Variants in TENM2 observed in about 807,000 individuals in gnomAD.
The protein encoded by TENM2 is teneurin transmembrane protein 2.
In TENM2, 52 loss-of-function variants were observed where a neutral mutation model predicts 245.2. The observed-to-expected ratio is 0.21, with a 90% CI of 0.17 to 0.27. The LOEUF is 0.27. Ranked by LOEUF, TENM2 falls within the 10% of genes least tolerant of loss-of-function variation. TENM2 has a pLI of 1.00. For synonymous variants in TENM2, 1,363 were observed against 1,438.9 expected, an observed-to-expected ratio of 0.95 and a Z score of 1.19; for missense variants, 3,046 against 3,666.8, an observed-to-expected ratio of 0.83 and a Z score of 4.37.
At chr5:167,464,633 A>G (rs1484085481) in intron 2 of TENM2, among the ~76,000 whole-genome samples, 1 of 152,222 alleles carries the variant, frequency 6.6e-6, no homozygotes, top group Non-Finnish European at 1.5e-5. Flanking sequence ...GTGAAGAGCT[A>G]TAAATGCACT....
At chr5:167,764,374 A>G (rs923352146) in intron 2 of TENM2, among the ~76,000 whole-genome samples, 4 of 152,120 alleles carry the variant, frequency 2.6e-5, no homozygotes, top group Non-Finnish European at 4.4e-5. Context: ...CTTATATCCT[A>G]TTTAAATTAA....
chr5:168,039,718 G>A (rs1429707668), intron 5 of TENM2, among the ~76,000 whole-genome samples: 7 of 152,086 alleles, frequency 4.6e-5, no homozygotes, highest in African/African-American at 9.6e-5. Context: ...TGGCCACCCC[G>A]CACAAGGAAA....
chr5:168,081,820 C>G (rs1000554123), intron 7 of TENM2, among the ~76,000 whole-genome samples: 3 of 152,194 alleles, frequency 2.0e-5, no homozygotes, highest in African/African-American at 7.2e-5. Flanking sequence ...TGATGGGCTT[C>G]TCTTTGTGGG....
intron 2 of TENM2, among the ~76,000 whole-genome samples, chr5:167,795,295 A>G (rs1765241317): frequency 6.6e-6 from 1 of 152,166 alleles, no homozygotes; most frequent in Middle Eastern, 3.2e-3. Flanking sequence ...AGAAATAGAG[A>G]TTGGTACAGG....
chr5:167,396,655 G>T (rs7727820), intron 2 of TENM2, among the ~76,000 whole-genome samples: 38,096 of 152,048 alleles, frequency 0.25, 4,932 homozygotes, highest in African/African-American at 0.31. Context: ...TGGCATGAGG[G>T]CACAGGGAGG....
chr5:167,438,883 T>C (rs1764728217), intron 2 of TENM2, among the ~76,000 whole-genome samples: 1 of 152,068 alleles, frequency 6.6e-6, no homozygotes, highest in Non-Finnish European at 1.5e-5. Context: ...AACCTCCGCC[T>C]CCGGAGTTCA....
intron 2 of TENM2, among the ~76,000 whole-genome samples, chr5:167,650,433 T>C (rs527830662): frequency 6.6e-6 from 1 of 152,326 alleles, no homozygotes; most frequent in African/African-American, 2.4e-5. Flanking sequence ...TATTTAACTT[T>C]TATGAGATCC....
intron 2 of TENM2, among the ~76,000 whole-genome samples, chr5:167,500,351 T>C (rs1337339093): frequency 6.6e-6 from 1 of 152,112 alleles, no homozygotes; most frequent in Admixed American, 6.6e-5. Context: ...GAATGTCCTT[T>C]TCCCCAAACC....
At chr5:167,731,793 T>C (rs1236261740) in intron 2 of TENM2, among the ~76,000 whole-genome samples, 3 of 151,902 alleles carry the variant, frequency 2.0e-5, no homozygotes, top group Non-Finnish European at 4.4e-5. Context: ...TCTTTGGTAG[T>C]ATAGCCTTCT....
chr5:167,856,246 C>A lies in TENM2; in HGVS notation c.503-19740C>A, dbSNP rs112813045. Among the ~76,000 whole-genome samples, 780 of 152,180 alleles carry A rather than the reference C, an allele frequency of 5.1e-3. 9 individuals are homozygous for A. The highest frequency in any genetic ancestry group is 0.018 in the African/African-American group (746 of 41,504). On this transcript the variant is annotated intron_variant, in intron 2 of 28. Coordinates refer to ENST00000518659, the Ensembl canonical transcript of TENM2. ...ATTGACCAGTCACCCCTCCTGCCCC[C>A]ACTTTGCCAAATGAGCTGAGGAAAT...
intron 1 of TENM2, among the ~76,000 whole-genome samples, chr5:167,353,634 T>C (rs370932660): frequency 1.4e-5 from 2 of 146,906 alleles, no homozygotes; most frequent in Non-Finnish European, 3.0e-5. Flanking sequence ...CAGCCTCCCA[T>C]GTAGCTGGGA....
intron 27 of TENM2, among the ~76,000 whole-genome samples, chr5:168,257,804 C>T (rs527739082): frequency 2.8e-4 from 43 of 152,216 alleles, no homozygotes; most frequent in African/African-American, 9.6e-4. Context: ...TTAGTAGAGA[C>T]GGAGTTTCAC....
At chr5:167,072,069 T>C in the TENM2 span, among the ~76,000 whole-genome samples, 1 of 152,100 alleles carries the variant, frequency 6.6e-6, no homozygotes, top group South Asian at 2.1e-4. Context: ...AGCATGCAGC[T>C]GTGGCTGGAC....
chr5:167,967,874 A>AG (rs1334631482), intron 4 of TENM2, among the ~76,000 whole-genome samples: 1 of 152,226 alleles, frequency 6.6e-6, no homozygotes. Flanking sequence ...GTCTTCCCAG[A>AG]GGATATTTTA....
the TENM2 span, among the ~76,000 whole-genome samples, chr5:167,278,135 C>T: frequency 6.6e-6 from 1 of 151,850 alleles, no homozygotes; most frequent in Non-Finnish European, 1.5e-5. Context: ...AAAATTCCAT[C>T]TCCATAAAAA....
In TENM2 at chr5:167,767,041, T is replaced by C. The variant is rs1376153024; in HGVS notation, c.503-108945T>C. ...AATTACCATATGATCCAAATCCACT[T>C]TTGTATGTATACTTGTCAAAATGAA... On this transcript the variant is annotated intron_variant, in intron 2 of 28. Transcript: ENST00000518659. Among the ~76,000 whole-genome samples the C allele has an allele frequency of 1.1e-4, 17 of 152,218 alleles. 1 individual carries two copies. The highest frequency in any genetic ancestry group is 1.1e-3 in the Admixed American group (17 of 15,282).
chr5:168,233,605 T>C (rs1206716711), intron 25 of TENM2, among the ~76,000 whole-genome samples: 1 of 152,010 alleles, frequency 6.6e-6, no homozygotes, highest in African/African-American at 2.4e-5. Flanking sequence ...CTTAGAAGAG[T>C]AGGCGCTGTC....
chr5:167,118,455 G>A, the TENM2 span, among the ~76,000 whole-genome samples: 1 of 152,210 alleles, frequency 6.6e-6, no homozygotes, highest in African/African-American at 2.4e-5. Flanking sequence ...ATCTCGTAGG[G>A]ATAGTCAAGT....
intron 2 of TENM2, among the ~76,000 whole-genome samples, chr5:167,691,410 A>G (rs1399446175): frequency 1.3e-5 from 2 of 152,236 alleles, no homozygotes; most frequent in Non-Finnish European, 2.9e-5. Context: ...TTTCAAGGGA[A>G]GGAAGTAGAC....
Sources: gnomAD v4.1 joint callset for allele counts (sites outside exome capture counted in the v4.1 genomes callset) on GRCh38, gnomAD v4.1.1 for gene constraint, MANE v1.5 for transcripts, NCBI Gene and HGNC (gene_info 2026-07-23, HGNC 2026-07-21) for gene names.